Variants in NRXN1 observed in about 807,000 individuals in gnomAD.
NRXN1 encodes neurexin-1.
A neutral mutation model predicts 150.9 loss-of-function variants in NRXN1; 39 were observed. The observed-to-expected ratio is 0.26, with a 90% CI of 0.20 to 0.34. The LOEUF (loss-of-function observed/expected upper bound fraction) is 0.34, where lower values mean the gene tolerates loss of function less well. Ranked by LOEUF, NRXN1 falls within the 10% of genes least tolerant of loss-of-function variation. The pLI, the probability that NRXN1 is intolerant of heterozygous loss-of-function variation, is 1.00. For synonymous variants in NRXN1, 924 were observed against 757.0 expected (o/e 1.22, Z -3.62); for missense variants, 1,815 against 1,949.9 (o/e 0.93, Z 1.30).
chr2:50,502,609 A>C (rs1378321640), intron 13 of NRXN1, among the ~76,000 whole-genome samples: 1 of 152,218 alleles, frequency 6.6e-6, no homozygotes, highest in Non-Finnish European at 1.5e-5. Flanking sequence ...AAGCAAATCA[A>C]TAAATGACAT....
intron 8 of NRXN1, among the ~76,000 whole-genome samples, chr2:50,571,553 G>A (rs1670663713): frequency 6.6e-6 from 1 of 151,986 alleles, no homozygotes; most frequent in Non-Finnish European, 1.5e-5. Context: ...TGATAAGTGT[G>A]TAGTTCTGTT....
intron 17 of NRXN1, among the ~76,000 whole-genome samples, chr2:50,373,667 AAAGAAAG>A (rs1314275165): frequency 9.9e-6 from 1 of 100,860 alleles, no homozygotes; most frequent in Non-Finnish European, 1.9e-5. Context: ...AGAAAGAAAG[AAAGAAAG>A]AAAGAAAAGA....
At chr2:50,023,231 T>A (rs1398377712) in intron 21 of NRXN1, 5 of 152,196 alleles carry the variant, frequency 3.3e-5, no homozygotes, top group Admixed American at 2.0e-4. Flanking sequence ...GCTTAGTAAA[T>A]CTAGGTGCTG....
At chr2:50,445,523 TC>T (rs772101786) in intron 17 of NRXN1, among the ~76,000 whole-genome samples, 1 of 152,128 alleles carries the variant, frequency 6.6e-6, no homozygotes, top group Non-Finnish European at 1.5e-5. Flanking sequence ...GCCTTTATTA[TC>T]CTCCCAATTT....
At position 50,199,567 on chromosome 2, in the gene NRXN1, CAT is replaced by C. The variant is rs1491031873; in HGVS notation, c.3546+37220_3546+37221del. 9.2e-3 allele frequency among the ~76,000 whole-genome samples: 1,337 copies of C among 145,838 alleles called. 28 individuals are homozygous for C. Among genetic ancestry groups the C allele is most frequent in the African/African-American group, 0.031 (1,201 of 39,122 alleles). On this transcript the variant is annotated intron_variant, in intron 18 of 22. Transcript: ENST00000401669. ...ACACACACACACACACACACACACA[CAT>C]GCACACTGACATTAATAAGTCAGTA...
At chr2:49,966,760 A>G (rs1023156041) in intron 21 of NRXN1, 4 of 152,162 alleles carry the variant, frequency 2.6e-5, no homozygotes, top group African/African-American at 9.7e-5. Flanking sequence ...GTTGAATTTG[A>G]GGTGAACTGA....
chr2:50,283,008 T>G lies in NRXN1; in HGVS notation c.3365-46038A>C, dbSNP rs191560776. 6.0e-4 allele frequency among the ~76,000 whole-genome samples: 91 copies of G among 152,306 alleles called. 1 individual carries two copies. Among genetic ancestry groups the G allele is most frequent in the Non-Finnish European group, 1.2e-3 (82 of 68,014 alleles). On this transcript the variant is annotated intron_variant, in intron 17 of 22. Coordinates refer to ENST00000401669, the MANE Select transcript of NRXN1 (RefSeq NM_001330078.2). ...AGTCATGAATAATTTATCTGTATAA[T>G]GGGAACAATAAGATATTTCACCTAT...
Position 51,023,382 on chromosome 2 carries a change from T to C in NRXN1, c.772+4120A>G, listed in dbSNP as rs77545636. ...ACCCCACTCCTCTCAAGTAGGGAGT[T>C]AGAGCTCCATGCTTAAGGCATTCTC... On this transcript the variant is annotated intron_variant, in intron 2 of 22. Transcript: ENST00000401669. Among the ~76,000 whole-genome samples, 688 of 152,322 alleles carry C rather than the reference T, an allele frequency of 4.5e-3. 6 individuals carry two copies. The highest frequency in any genetic ancestry group is 0.016 in the African/African-American group (661 of 41,584).
intron 17 of NRXN1, among the ~76,000 whole-genome samples, chr2:50,441,954 T>G (rs1356736223): frequency 6.6e-6 from 1 of 152,134 alleles, no homozygotes; most frequent in Non-Finnish European, 1.5e-5. Flanking sequence ...TTCCAAGCAC[T>G]GTTATATGTT....
At chr2:50,309,397 C>G (rs553229036) in intron 17 of NRXN1, among the ~76,000 whole-genome samples, 1 of 152,228 alleles carries the variant, frequency 6.6e-6, no homozygotes, top group Non-Finnish European at 1.5e-5. Flanking sequence ...GCCTTGGTCT[C>G]CTTTATTTGG....
intron 22 of NRXN1, among the ~76,000 whole-genome samples, chr2:49,937,133 G>A (rs1558537986): frequency 1.3e-5 from 2 of 152,122 alleles, no homozygotes; most frequent in African/African-American, 2.4e-5. Flanking sequence ...GGAAAGGGTG[G>A]GAGCCTAACT....
At chr2:50,502,449 C>G (rs2091996458) in intron 13 of NRXN1, among the ~76,000 whole-genome samples, 1 of 151,812 alleles carries the variant, frequency 6.6e-6, no homozygotes, top group Non-Finnish European at 1.5e-5. Context: ...TAAATACACA[C>G]ACACACGCAT....
chr2:50,980,724 A>T (rs1696655527), intron 2 of NRXN1, among the ~76,000 whole-genome samples: 1 of 152,146 alleles, frequency 6.6e-6, no homozygotes, highest in African/African-American at 2.4e-5. Flanking sequence ...CCACAACGCT[A>T]TTGAAAACCA....
chr2:50,603,855 T>G (rs1676674040), intron 8 of NRXN1, among the ~76,000 whole-genome samples: 1 of 152,160 alleles, frequency 6.6e-6, no homozygotes, highest in South Asian at 2.1e-4. Context: ...GATCACTGGG[T>G]AGTCTAAACG....
chr2:50,959,994 C>A (rs145886528), intron 2 of NRXN1, among the ~76,000 whole-genome samples: 1 of 151,876 alleles, frequency 6.6e-6, no homozygotes, highest in Non-Finnish European at 1.5e-5. Context: ...TTTTCTTATA[C>A]ACAAAAATTC....
intron 18 of NRXN1, among the ~76,000 whole-genome samples, chr2:50,107,497 G>C (rs1701816059): frequency 7.1e-6 from 1 of 141,482 alleles, no homozygotes; most frequent in South Asian, 2.2e-4. Flanking sequence ...CACAATTATT[G>C]TCACATGCTA....
intron 5 of NRXN1, among the ~76,000 whole-genome samples, chr2:50,747,060 T>G (rs890619292): frequency 5.3e-5 from 8 of 152,286 alleles, no homozygotes; most frequent in Non-Finnish European, 8.8e-5. Context: ...CATGTGCTTT[T>G]CTTGTACTCT....
At chr2:50,791,314 C>CAAAAAAAAA (rs60728323) in intron 5 of NRXN1, among the ~76,000 whole-genome samples, 2 of 111,694 alleles carry the variant, frequency 1.8e-5, no homozygotes, top group African/African-American at 7.0e-5. Context: ...CTGCTTGCTA[C>CAAAAAAAAA]AAAAAAAAAA....
chr2:50,409,626 G>A (rs1263822293), intron 17 of NRXN1, among the ~76,000 whole-genome samples: 2 of 152,162 alleles, frequency 1.3e-5, no homozygotes, highest in African/African-American at 4.8e-5. Flanking sequence ...GGATTTTAAA[G>A]AACACTCGAC....
Sources: allele counts gnomAD v4.1 joint callset (sites outside exome capture counted in the v4.1 genomes callset), GRCh38; gene constraint gnomAD v4.1.1; transcripts MANE v1.5; gene names NCBI Gene and HGNC (gene_info 2026-07-23, HGNC 2026-07-21).